Variants in TUSC3 observed in about 807,000 individuals in gnomAD.
TUSC3 encodes dolichyl-diphosphooligosaccharide--protein glycosyltransferase subunit TUSC3.
Under a neutral mutation model 44.8 loss-of-function variants are expected in TUSC3, and 45 were observed. The observed-to-expected ratio is 1.00, with a 90% CI of 0.79 to 1.29. TUSC3 has a LOEUF of 1.29. Ranked by LOEUF, TUSC3 falls within the 50% of genes most tolerant of loss-of-function variation. The pLI is 0.00. For synonymous variants in TUSC3, 212 were observed against 152.9 expected (o/e 1.39, Z -2.85); for missense variants, 519 against 437.9 (o/e 1.19, Z -1.65).
intron 1 of TUSC3, among the ~76,000 whole-genome samples, chr8:15,423,829 T>C (rs1799768147): frequency 1.3e-5 from 2 of 152,066 alleles, no homozygotes; most frequent in South Asian, 2.1e-4. Context: ...GCCCTCATAA[T>C]ACAGGAAGGA....
intron 5 of TUSC3, among the ~76,000 whole-genome samples, chr8:15,665,186 G>A (rs1426922313): frequency 2.6e-5 from 4 of 151,404 alleles, no homozygotes; most frequent in African/African-American, 9.7e-5. Flanking sequence ...GCCTTTGACT[G>A]GACAGTAAAA....
At chr8:15,628,145 TG>T (rs1455815701) in intron 2 of TUSC3, among the ~76,000 whole-genome samples, 1 of 152,240 alleles carries the variant, frequency 6.6e-6, no homozygotes, top group Non-Finnish European at 1.5e-5. Flanking sequence ...AATCTTTTTT[TG>T]TTCCTAAAAA....
the TUSC3 span, among the ~76,000 whole-genome samples, chr8:15,815,186 G>C: frequency 2.6e-5 from 4 of 152,146 alleles, no homozygotes; most frequent in African/African-American, 9.7e-5. Context: ...GCAAGTGACT[G>C]CAAGACTTCA....
rs776350129 is a variant in TUSC3, at chr8:15,504,986, G to A, written n.189+21503G>A. On this transcript the variant is annotated intron_variant and non_coding_transcript_variant, in intron 2 of 5. Transcript: ENST00000503191. Reference sequence around the variant, plus strand: ...GTATTTTCTATTTCAAATGAGGTGCGGGCTTCCTAAACAATACTGTATCAA... The same window carrying A: ...GTATTTTCTATTTCAAATGAGGTGCAGGCTTCCTAAACAATACTGTATCAA... Among the ~76,000 whole-genome samples the A allele has an allele frequency of 2.1e-4, 32 of 151,668 alleles. 1 individual carries two copies. The highest frequency in any genetic ancestry group is 3.9e-4 in the East Asian group (2 of 5,142).
In TUSC3 at chr8:15,764,995, A is replaced by G. The variant is rs1812288032; in HGVS notation, c.*839A>G. 6.6e-6 allele frequency: 1 copy of G among 152,056 alleles called. No homozygotes were observed. The highest frequency in any genetic ancestry group is 1.5e-5 in the Non-Finnish European group (1 of 67,946). 9.4% of individuals were successfully genotyped at this position (152,056 alleles called of 1,614,324 possible). On this transcript the variant is annotated 3_prime_UTR_variant, in exon 11 of 11. Coordinates refer to ENST00000503731, the MANE Select transcript of TUSC3 (RefSeq NM_006765.4). ...ATGTGTTTTATGCAACCAGCTTTCC[A>G]TCAAATCCTCAATCTTTGAATCCAG...
intron 1 of TUSC3, among the ~76,000 whole-genome samples, chr8:15,452,332 C>T (rs1800205094): frequency 6.6e-6 from 1 of 152,044 alleles, no homozygotes; most frequent in Non-Finnish European, 1.5e-5. Context: ...CAAGATCAAA[C>T]ACAAAATTTG....
At chr8:15,572,115 G>A (rs888103610) in intron 1 of TUSC3, among the ~76,000 whole-genome samples, 29 of 152,100 alleles carry the variant, frequency 1.9e-4, no homozygotes, top group African/African-American at 7.0e-4. Context: ...ACCAGGCATC[G>A]ACTTCTCTCT....
chr8:15,716,904 T>TA (rs1563187604), intron 6 of TUSC3, among the ~76,000 whole-genome samples: 1 of 152,152 alleles, frequency 6.6e-6, no homozygotes. Context: ...TTTGAGAAAT[T>TA]AAAAAAATAG....
chr8:15,830,011 C>T, the TUSC3 span, among the ~76,000 whole-genome samples: 1 of 152,102 alleles, frequency 6.6e-6, no homozygotes. Context: ...GATGGTGTCT[C>T]ACTGTGGTTT....
chr8:15,482,382 C>A (rs142104645), intron 1 of TUSC3, among the ~76,000 whole-genome samples: 1 of 152,242 alleles, frequency 6.6e-6, no homozygotes, highest in East Asian at 1.9e-4. Flanking sequence ...TGAGTCTCTC[C>A]TAGAAGGTTT....
intron 3 of TUSC3, among the ~76,000 whole-genome samples, chr8:15,656,621 G>A (rs989966679): frequency 2.1e-5 from 3 of 145,360 alleles, no homozygotes; most frequent in Admixed American, 6.8e-5. Flanking sequence ...CCAGGCCCAA[G>A]CCCACGCAAC....
At chr8:15,757,079 G>T (rs550100744) in intron 9 of TUSC3, among the ~76,000 whole-genome samples, 2 of 152,286 alleles carry the variant, frequency 1.3e-5, no homozygotes, top group South Asian at 4.1e-4. Flanking sequence ...GAGGCTGCAA[G>T]TGAGCTATGA....
At chr8:15,536,800 A>G (rs1002233447), upstream of TUSC3, among the ~76,000 whole-genome samples, 5 of 149,550 alleles carry the variant, frequency 3.3e-5, no homozygotes, top group Admixed American at 6.7e-5. Flanking sequence ...AGTGAGGACT[A>G]AGCTCTGATT....
intron 2 of TUSC3, among the ~76,000 whole-genome samples, chr8:15,518,379 AT>A (rs1801250206): frequency 6.6e-6 from 1 of 152,194 alleles, no homozygotes; most frequent in Admixed American, 6.5e-5. Flanking sequence ...AAAAAGTTGA[AT>A]ATTAAATGGA....
chr8:15,573,202 C>CTCTCTCTCTCTATATA (rs1435847916), intron 1 of TUSC3, among the ~76,000 whole-genome samples: 1 of 74,194 alleles, frequency 1.3e-5, no homozygotes, highest in African/African-American at 5.3e-5. Flanking sequence ...CTCTCTCTCT[C>CTCTCTCTCTCTATATA]TATATATATA....
intron 9 of TUSC3, among the ~76,000 whole-genome samples, chr8:15,751,873 A>G (rs1285303183): frequency 2.0e-5 from 3 of 152,206 alleles, no homozygotes; most frequent in South Asian, 2.1e-4. Context: ...TTTAAGAATC[A>G]GGTGAATAGT....
At chr8:15,421,165 G>C (rs1015584673) in intron 1 of TUSC3, among the ~76,000 whole-genome samples, 7 of 118,208 alleles carry the variant, frequency 5.9e-5, no homozygotes, top group Non-Finnish European at 1.1e-4. Context: ...CTTCCTTATA[G>C]TTAACTTCCT....
chr8:15,718,744 A>G (rs1341774593), intron 6 of TUSC3, among the ~76,000 whole-genome samples: 2 of 152,126 alleles, frequency 1.3e-5, no homozygotes, highest in Non-Finnish European at 2.9e-5. Context: ...AAGTTCATAT[A>G]TCCTCAGTTG....
At chr8:15,831,536 A>AGAAAGCAAGGTT in the TUSC3 span, among the ~76,000 whole-genome samples, 1 of 152,128 alleles carries the variant, frequency 6.6e-6, no homozygotes, top group Non-Finnish European at 1.5e-5. Context: ...AACTCAATCT[A>AGAAAGCAAGGTT]GAAAGCAAAG....
Sources: gnomAD v4.1 joint callset for allele counts (sites outside exome capture counted in the v4.1 genomes callset) on GRCh38, gnomAD v4.1.1 for gene constraint, MANE v1.5 for transcripts, NCBI Gene and HGNC (gene_info 2026-07-23, HGNC 2026-07-21) for gene names.